The following HMGCLL1 variants were observed in gnomAD, a reference collection of about 807,000 sequenced individuals.
HMGCLL1 encodes the protein 3-hydroxymethyl-3-methylglutaryl-CoA lyase, cytoplasmic.
Under a neutral mutation model 39.1 loss-of-function variants are expected in HMGCLL1, and 36 were observed. The observed-to-expected ratio is 0.92, with a 90% CI of 0.71 to 1.22. The LOEUF is 1.22. Among genes scored for constraint, HMGCLL1 ranks in the 50% most tolerant of loss-of-function variants. The pLI is 0.00. For missense variants in HMGCLL1, 451 were observed against 416.5 expected, an observed-to-expected ratio of 1.08 and a Z score of -0.72; for synonymous variants, 149 against 144.0, an observed-to-expected ratio of 1.03 and a Z score of -0.25.
intron 7 of HMGCLL1, among the ~76,000 whole-genome samples, chr6:55,461,340 A>G (rs1172574082): frequency 6.6e-6 from 1 of 152,040 alleles, no homozygotes; most frequent in African/African-American, 2.4e-5. Context: ...TAAAGTTTAA[A>G]GAAATGAAAC....
intron 7 of HMGCLL1, among the ~76,000 whole-genome samples, chr6:55,441,830 A>G (rs926438687): frequency 1.3e-5 from 2 of 152,046 alleles, no homozygotes; most frequent in Admixed American, 1.3e-4. Context: ...AGCTGGGATT[A>G]TAGGTGCGCA....
intron 1 of HMGCLL1, among the ~76,000 whole-genome samples, chr6:55,561,586 C>T (rs1770950005): frequency 6.6e-6 from 1 of 152,036 alleles, no homozygotes; most frequent in Non-Finnish European, 1.5e-5. Context: ...TGCCGCTGAT[C>T]CAAGGAGCAG....
chr6:55,660,274 C>T, the HMGCLL1 span, among the ~76,000 whole-genome samples: 25 of 151,888 alleles, frequency 1.6e-4, no homozygotes, highest in Non-Finnish European at 2.5e-4. Context: ...TACAAGTAAA[C>T]TCATGTCACA....
the HMGCLL1 span, among the ~76,000 whole-genome samples, chr6:55,629,154 T>A: frequency 6.6e-6 from 1 of 152,158 alleles, no homozygotes; most frequent in African/African-American, 2.4e-5. Flanking sequence ...AGCAACTTGT[T>A]GAATGGCTTT....
chr6:55,520,398 C>A (rs545507998), intron 3 of HMGCLL1, among the ~76,000 whole-genome samples: 64 of 151,238 alleles, frequency 4.2e-4, no homozygotes, highest in Non-Finnish European at 7.4e-4. Context: ...AAGTAGAATC[C>A]AAAAAAATCA....
At chr6:55,503,120 A>G (rs9382499) in intron 5 of HMGCLL1, among the ~76,000 whole-genome samples, 103,737 of 151,490 alleles carry the variant, frequency 0.68, 35,527 homozygotes, top group Non-Finnish European at 0.7. Flanking sequence ...TTATTTAAAC[A>G]ATCCTATCGA....
intron 7 of HMGCLL1, among the ~76,000 whole-genome samples, chr6:55,443,351 C>T (rs765765013): frequency 1.1e-4 from 17 of 152,054 alleles, no homozygotes; most frequent in African/African-American, 3.4e-4. Flanking sequence ...GGCTTCAGCC[C>T]GAAATGTGGA....
At chr6:55,513,943 T>G (rs1767597818) in intron 5 of HMGCLL1, 105 bp downstream of exon 5, 7 of 952,700 alleles carry the variant, frequency 7.3e-6, no homozygotes, top group Non-Finnish European at 1.1e-5. Flanking sequence ...AAATATGATA[T>G]TCTATGTATA....
At chr6:55,501,595 A>G (rs1766895021) in intron 5 of HMGCLL1, among the ~76,000 whole-genome samples, 1 of 152,000 alleles carries the variant, frequency 6.6e-6, no homozygotes, top group African/African-American at 2.4e-5. Context: ...GCTCTTCTCC[A>G]ACAATCTATT....
intron 1 of HMGCLL1, among the ~76,000 whole-genome samples, chr6:55,544,158 C>T (rs924934506): frequency 4.6e-5 from 7 of 152,096 alleles, no homozygotes; most frequent in African/African-American, 1.7e-4. Context: ...TAACAAACCC[C>T]TTGTTCTACC....
chr6:55,478,740 T>C (rs1368943732), intron 7 of HMGCLL1, among the ~76,000 whole-genome samples: 2 of 151,392 alleles, frequency 1.3e-5, no homozygotes, highest in African/African-American at 4.9e-5. Flanking sequence ...TTGTCTTATG[T>C]GGAGTCAAAG....
chr6:55,554,044 G>T (rs1184955505), intron 1 of HMGCLL1, among the ~76,000 whole-genome samples: 1 of 152,030 alleles, frequency 6.6e-6, no homozygotes, highest in Admixed American at 6.6e-5. Context: ...CCTTTGAGAG[G>T]CAACAGAGGG....
At chr6:55,507,538 A>T (rs1767233500) in intron 5 of HMGCLL1, among the ~76,000 whole-genome samples, 1 of 151,730 alleles carries the variant, frequency 6.6e-6, no homozygotes, top group Admixed American at 6.6e-5. Flanking sequence ...TTTAGAAGAG[A>T]TTTGTAAAAT....
In HMGCLL1 at chr6:55,578,801, C is replaced by G. The variant is rs1771886424; in HGVS notation, c.108+147G>C. The G allele has an allele frequency of 5.0e-5, 32 of 642,848 alleles. No individual in the cohort carries two copies. In the South Asian group the frequency reaches 5.6e-4, roughly 11 times the overall value. The allele number at this position is 642,848 out of a possible 1,614,324, so 39.8% of individuals were successfully genotyped here. On this transcript the variant is annotated intron_variant, in intron 1 of 8. Coordinates refer to ENST00000274901, the MANE Select transcript of HMGCLL1 (RefSeq NM_001042406.2). ...ATAACGGGAAACCGTTTAAGGGGTG[C>G]GGCCTAACACGACAGAACTGCTGCG... is the stretch of plus-strand genomic sequence containing the variant.
At chr6:55,440,717 T>G (rs4715549) in intron 7 of HMGCLL1, among the ~76,000 whole-genome samples, 117,559 of 151,938 alleles carry the variant, frequency 0.77, 45,509 homozygotes, top group East Asian at 0.83. Context: ...CTATATCATG[T>G]TTCTCAATCA....
chr6:55,601,497 C>G, the HMGCLL1 span, among the ~76,000 whole-genome samples: 49 of 152,262 alleles, frequency 3.2e-4, 1 homozygote, highest in African/African-American at 1.1e-3. Flanking sequence ...ATTCTATTAA[C>G]CAAAACAAGT....
chr6:55,642,984 T>C, the HMGCLL1 span, among the ~76,000 whole-genome samples: 2 of 152,174 alleles, frequency 1.3e-5, no homozygotes, highest in African/African-American at 4.8e-5. Flanking sequence ...TTCTTCTTTA[T>C]GGCTGCATAT....
chr6:55,453,793 T>C (rs529171408), intron 7 of HMGCLL1, among the ~76,000 whole-genome samples: 1 of 152,224 alleles, frequency 6.6e-6, no homozygotes, highest in South Asian at 2.1e-4. Context: ...AGGAATAAAT[T>C]TGAGATAAAT....
At chr6:55,518,467 G>A (rs1364858670) in intron 3 of HMGCLL1, among the ~76,000 whole-genome samples, 1 of 152,072 alleles carries the variant, frequency 6.6e-6, no homozygotes, top group African/African-American at 2.4e-5. Flanking sequence ...TCACAAAGAG[G>A]TAAACTTTAT....
Sources: gnomAD v4.1 joint callset for allele counts (sites outside exome capture counted in the v4.1 genomes callset) on GRCh38, gnomAD v4.1.1 for gene constraint, MANE v1.5 for transcripts, NCBI Gene and HGNC (gene_info 2026-07-23, HGNC 2026-07-21) for gene names.